OSBPL9: variants seen among roughly 807,000 people sequenced by gnomAD.
OSBPL9 encodes oxysterol binding protein like 9.
OSBPL9 carries 40 observed loss-of-function variants against 106.6 expected under a neutral mutation model. The ratio of observed to expected loss-of-function variants is 0.38; its 90% confidence interval spans 0.29 to 0.49. OSBPL9 has a LOEUF of 0.49. Among genes scored for constraint, OSBPL9 ranks in the 20% least tolerant of loss-of-function variants. The probability of loss-of-function intolerance (pLI) is 0.97; values close to 1 mark genes in which losing one functional copy is unlikely to be tolerated. For missense variants in OSBPL9, 609 were observed against 887.2 expected, an observed-to-expected ratio of 0.69 and a Z score of 3.98; for synonymous variants, 269 against 295.4, an observed-to-expected ratio of 0.91 and a Z score of 0.92.
chr1:51,764,524 C>T (rs1037920014), intron 11 of OSBPL9, among the ~76,000 whole-genome samples: 1 of 150,934 alleles, frequency 6.6e-6, no homozygotes, highest in African/African-American at 2.4e-5. Flanking sequence ...TGCTTTTTTT[C>T]ACAACTATTG....
At chr1:51,631,604 G>A (rs887899190) in intron 1 of OSBPL9, among the ~76,000 whole-genome samples, 1 of 152,064 alleles carries the variant, frequency 6.6e-6, no homozygotes. Flanking sequence ...AGAAGTAATT[G>A]TGACGTCCAG....
chr1:51,642,025 G>GT (rs1374920856), intron 1 of OSBPL9, among the ~76,000 whole-genome samples: 7 of 151,172 alleles, frequency 4.6e-5, no homozygotes, highest in Admixed American at 6.6e-5. Flanking sequence ...AAGGCCAAAT[G>GT]TTTTTTTTTC....
chr1:51,784,283 C>G lies in OSBPL9; in HGVS notation c.1644C>G (p.Asp548Glu). Residue 548 changes from aspartate (D) to glutamate (E), a missense_variant, in exon 19 of 24, where the codon GAC (aspartate) becomes GAG (glutamate). Transcript: ENST00000428468. Reference protein sequence around the residue: ...NIGQGCVSCLDYDEHYILTFP... With the variant: ...NIGQGCVSCLEYDEHYILTFP... ...CCACAGGCTGTGTCTCATGTCTAGA[C>G]TATGATGAACATTACATTCTCACAT... 6.2e-7 allele frequency: 1 copy of G among 1,614,008 alleles called. No individual in the cohort carries two copies.
intron 2 of OSBPL9, among the ~76,000 whole-genome samples, chr1:51,608,468 T>TA (rs958397979): frequency 1.2e-4 from 18 of 151,036 alleles, no homozygotes; most frequent in East Asian, 3.9e-4. Context: ...AATTTTTTTT[T>TA]TTTTTATTTT....
chr1:51,587,457 ACT>A (rs1222460788), intron 1 of OSBPL9, among the ~76,000 whole-genome samples: 1 of 152,126 alleles, frequency 6.6e-6, no homozygotes, highest in African/African-American at 2.4e-5. Context: ...CAATTCTCAC[ACT>A]GTGTTACTTG....
intron 1 of OSBPL9, among the ~76,000 whole-genome samples, chr1:51,633,750 T>C (rs1229609470): frequency 1.3e-5 from 2 of 152,042 alleles, no homozygotes; most frequent in African/African-American, 4.8e-5. Context: ...GCCTTCAGAG[T>C]ACCTGGGACC....
the OSBPL9 span, among the ~76,000 whole-genome samples, chr1:51,558,229 A>G: frequency 1.6e-4 from 25 of 152,004 alleles, no homozygotes; most frequent in Non-Finnish European, 2.8e-4. Context: ...GCAGTGAGCC[A>G]AGATTGTGCC....
At chr1:51,760,901 C>G (rs2149065456) in intron 10 of OSBPL9, 121 bp downstream of exon 10, 2 of 1,062,626 alleles carry the variant, frequency 1.9e-6, no homozygotes, top group Non-Finnish European at 1.3e-6. Context: ...TAAAAGCACT[C>G]AAAAAATAAT....
intron 1 of OSBPL9, among the ~76,000 whole-genome samples, chr1:51,620,964 A>G (rs1044108888): frequency 2.0e-5 from 3 of 152,196 alleles, no homozygotes; most frequent in South Asian, 4.1e-4. Flanking sequence ...TCAGGGCTCA[A>G]GCATTCACTT....
the OSBPL9 span, among the ~76,000 whole-genome samples, chr1:51,524,369 T>G: frequency 2.1e-3 from 316 of 152,358 alleles, no homozygotes; most frequent in Non-Finnish European, 3.7e-3. Flanking sequence ...GGTCCAGTTT[T>G]GGTCCTGCAG....
At chr1:51,619,338 T>G (rs1570572808) in intron 1 of OSBPL9, among the ~76,000 whole-genome samples, 1 of 152,048 alleles carries the variant, frequency 6.6e-6, no homozygotes, top group South Asian at 2.1e-4. Flanking sequence ...AGAATCTTCC[T>G]TTTTCCTCTT....
chr1:51,526,584 G>A, the OSBPL9 span, among the ~76,000 whole-genome samples: 222 of 152,170 alleles, frequency 1.5e-3, no homozygotes, highest in African/African-American at 5.1e-3. Context: ...TGTCATTGGG[G>A]AAAGTAGCTC....
intron 3 of OSBPL9, among the ~76,000 whole-genome samples, chr1:51,690,595 AC>A (rs1251651919): frequency 2.0e-5 from 3 of 152,150 alleles, no homozygotes; most frequent in Admixed American, 6.5e-5. Flanking sequence ...TAATAATGGA[AC>A]CCTGCACTGA....
upstream of OSBPL9, among the ~76,000 whole-genome samples, chr1:51,612,607 A>T (rs1643996251): frequency 6.6e-6 from 1 of 152,206 alleles, no homozygotes; most frequent in Non-Finnish European, 1.5e-5. Context: ...GGAAATGGAC[A>T]TGGTTTTATG....
At chr1:51,637,736 A>G (rs1645538483) in intron 1 of OSBPL9, among the ~76,000 whole-genome samples, 1 of 152,158 alleles carries the variant, frequency 6.6e-6, no homozygotes, top group African/African-American at 2.4e-5. Context: ...ACTTAAGAAG[A>G]CTCTACATTT....
chr1:51,730,131 A>T lies in OSBPL9; in HGVS notation c.319-15405A>T, dbSNP rs1664048490. On this transcript the variant is annotated intron_variant, in intron 4 of 23. Coordinates refer to ENST00000428468, the MANE Select transcript of OSBPL9 (RefSeq NM_024586.6). The stretch of plus-strand genomic sequence containing the variant: ...CTTCCCGCCGCCCCCTGGGGTGAGT[A>T]GGACGACGTGGCTGCCCGGGCCCCT... 4.8e-6 allele frequency: 6 copies of T among 1,247,218 alleles called. No individual in the cohort carries two copies. In the South Asian group the frequency reaches 2.1e-4, roughly 43 times the overall value. The allele number at this position is 1,247,218 out of a possible 1,614,324, so 77.3% of individuals were successfully genotyped here.
chr1:51,617,053 C>T (rs1374179031), upstream of OSBPL9: 42 of 1,254,274 alleles, frequency 3.3e-5, no homozygotes, highest in Non-Finnish European at 4.6e-5. Context: ...CCCCCGCATG[C>T]TGAATGCCAT....
At position 51,708,264 on chromosome 1, in the gene OSBPL9, CT is replaced by C. The variant is rs71063050; in HGVS notation, c.242-5723del. ...TAATTTATCCTTTTTTTTTCTTTTT[CT>C]TTTTTTTTTTTTTTTACTGGTTTCT... On this transcript the variant is annotated intron_variant, in intron 3 of 23. Transcript: ENST00000428468. 366 of 130,206 alleles carry C rather than the reference CT, an allele frequency of 2.8e-3. 3 individuals are homozygous for C. Among genetic ancestry groups the C allele is most frequent in the South Asian group, 0.014 (55 of 4,068 alleles). The allele number at this position is 130,206 out of a possible 1,614,324, so 8.1% of individuals were successfully genotyped here.
intron 1 of OSBPL9, among the ~76,000 whole-genome samples, chr1:51,628,319 G>A (rs938481180): frequency 2.0e-5 from 3 of 152,028 alleles, no homozygotes; most frequent in Admixed American, 2.0e-4. Flanking sequence ...GTAAGTTATT[G>A]TACCATTTTG....
Sources: gnomAD v4.1 joint callset for allele counts (sites outside exome capture counted in the v4.1 genomes callset) on GRCh38, gnomAD v4.1.1 for gene constraint, MANE v1.5 for transcripts, NCBI Gene and HGNC (gene_info 2026-07-23, HGNC 2026-07-21) for gene names.